The following NPSR1 variants were observed in gnomAD, a reference collection of about 807,000 sequenced individuals.
NPSR1 encodes neuropeptide S receptor.
NPSR1 carries 48 observed loss-of-function variants against 46.9 expected under a neutral mutation model. The observed-to-expected ratio is 1.02, with a 90% CI of 0.81 to 1.30. The LOEUF is 1.30. NPSR1 is among the 50% of genes most tolerant of loss of function. The probability of loss-of-function intolerance (pLI) is 0.00; values close to 1 mark genes in which losing one functional copy is unlikely to be tolerated. For missense variants in NPSR1, 450 were observed against 449.5 expected, an observed-to-expected ratio of 1.00 and a Z score of -0.01; for synonymous variants, 176 against 168.1, an observed-to-expected ratio of 1.05 and a Z score of -0.36.
intron 2 of NPSR1, 120 bp downstream of exon 2, chr7:34,684,804 T>A (rs1792846252): frequency 1.2e-6 from 1 of 818,586 alleles, no homozygotes; most frequent in South Asian, 2.2e-5. Flanking sequence ...TGGGAATAAT[T>A]TCTGAAAGAA....
chr7:34,815,580 T>C (rs1340778045), intron 4 of NPSR1, among the ~76,000 whole-genome samples: 1 of 152,060 alleles, frequency 6.6e-6, no homozygotes, highest in Non-Finnish European at 1.5e-5. Context: ...ACCACAAAGA[T>C]ACTCCTCGAG....
At chr7:34,792,637 A>ATG (rs1175922576) in intron 3 of NPSR1, among the ~76,000 whole-genome samples, 1,155 of 97,994 alleles carry the variant, frequency 0.012, 22 homozygotes, top group African/African-American at 0.031. Context: ...GTGTGTGTGT[A>ATG]TGTGTATATA....
At chr7:34,691,285 C>G (rs1339866050) in intron 2 of NPSR1, among the ~76,000 whole-genome samples, 1 of 152,162 alleles carries the variant, frequency 6.6e-6, no homozygotes, top group Admixed American at 6.5e-5. Flanking sequence ...CACACAGATA[C>G]AAAGCTCACA....
chr7:34,809,012 C>T (rs1284295353), intron 3 of NPSR1, among the ~76,000 whole-genome samples: 1 of 152,154 alleles, frequency 6.6e-6, no homozygotes, highest in Non-Finnish European at 1.5e-5. Flanking sequence ...CTTCCTCCTG[C>T]TCCAGATTCT....
At chr7:34,665,642 A>G (rs1238120943) in intron 1 of NPSR1, among the ~76,000 whole-genome samples, 1 of 152,096 alleles carries the variant, frequency 6.6e-6, no homozygotes, top group African/African-American at 2.4e-5. Flanking sequence ...TTTTCTTCTG[A>G]TATCACGCTA....
intron 3 of NPSR1, among the ~76,000 whole-genome samples, chr7:34,796,833 C>A (rs182248854): frequency 1.6e-4 from 24 of 152,262 alleles, no homozygotes; most frequent in African/African-American, 5.8e-4. Context: ...GGTATTTACC[C>A]AAATAAGTTG....
chr7:34,741,306 G>A (rs1162283572), intron 2 of NPSR1, among the ~76,000 whole-genome samples: 1 of 152,160 alleles, frequency 6.6e-6, no homozygotes, highest in Non-Finnish European at 1.5e-5. Context: ...ATACCCAGAG[G>A]TGAAAGCTCA....
chr7:34,818,821 C>T (rs565488808), intron 4 of NPSR1, among the ~76,000 whole-genome samples: 8 of 152,150 alleles, frequency 5.3e-5, no homozygotes, highest in South Asian at 2.1e-4. Flanking sequence ...AATGGGGAAA[C>T]GATTCCCTAT....
Position 34,689,941 on chromosome 7 carries a change from T to C in NPSR1, c.280+5257T>C, listed in dbSNP as rs111918569. On this transcript the variant is annotated intron_variant, in intron 2 of 8. Transcript: ENST00000360581. ...ATCTGGGTAACAAAGTGGGACCCTG[T>C]CTCTAAAAAAAATTAAAAAAAAAAA... Among the ~76,000 whole-genome samples the C allele has an allele frequency of 1.9e-3, 272 of 146,744 alleles. 1 individual carries two copies. The highest frequency in any genetic ancestry group is 6.5e-3 in the African/African-American group (255 of 39,480).
At chr7:34,676,159 T>C (rs1187313899) in intron 1 of NPSR1, among the ~76,000 whole-genome samples, 2 of 152,180 alleles carry the variant, frequency 1.3e-5, no homozygotes, top group East Asian at 3.9e-4. Context: ...CAAATGTACA[T>C]ATGTAGTCCA....
At chr7:34,871,166 G>A (rs1358832170) in intron 8 of NPSR1, among the ~76,000 whole-genome samples, 1 of 151,692 alleles carries the variant, frequency 6.6e-6, no homozygotes, top group East Asian at 1.9e-4. Context: ...CTTCTGCTGA[G>A]GGCCTCACTA....
intron 2 of NPSR1, among the ~76,000 whole-genome samples, chr7:34,775,172 T>C (rs772440040): frequency 2.0e-5 from 3 of 152,216 alleles, no homozygotes; most frequent in African/African-American, 4.8e-5. Context: ...AATGTGATAT[T>C]CTACAGAATG....
At chr7:34,704,289 A>G (rs1793993867) in intron 2 of NPSR1, 1 of 152,188 alleles carries the variant, frequency 6.6e-6, no homozygotes, top group Non-Finnish European at 1.5e-5. Context: ...AATTCATACA[A>G]TTTATATGAC....
intron 4 of NPSR1, among the ~76,000 whole-genome samples, chr7:34,818,248 A>G (rs1175892688): frequency 6.6e-6 from 1 of 152,206 alleles, no homozygotes; most frequent in East Asian, 1.9e-4. Flanking sequence ...ATGCGCAAAA[A>G]TCACAAGCAT....
intron 8 of NPSR1, among the ~76,000 whole-genome samples, chr7:34,859,645 C>G (rs900821839): frequency 6.6e-6 from 1 of 151,786 alleles, no homozygotes; most frequent in Non-Finnish European, 1.5e-5. Context: ...ATCATCATAA[C>G]TATCTGACAG....
At chr7:34,820,331 T>C (rs1036473991) in intron 4 of NPSR1, among the ~76,000 whole-genome samples, 1 of 152,198 alleles carries the variant, frequency 6.6e-6, no homozygotes, top group Admixed American at 6.5e-5. Flanking sequence ...ATAGAAAATA[T>C]ACTTGTTTCC....
intron 2 of NPSR1, chr7:34,704,061 T>C (rs1163260548): frequency 6.6e-6 from 1 of 152,194 alleles, no homozygotes; most frequent in Non-Finnish European, 1.5e-5. Context: ...TCTGCCCTCA[T>C]AACCCTCCTA....
chr7:34,676,424 C>T (rs1792319241), intron 1 of NPSR1, among the ~76,000 whole-genome samples: 1 of 152,190 alleles, frequency 6.6e-6, no homozygotes, highest in African/African-American at 2.4e-5. Flanking sequence ...GTCCACGAGG[C>T]TCACCTAGTT....
intron 6 of NPSR1, among the ~76,000 whole-genome samples, chr7:34,837,041 G>A (rs1281448967): frequency 6.6e-6 from 1 of 152,176 alleles, no homozygotes; most frequent in African/African-American, 2.4e-5. Context: ...ATAGACAGAT[G>A]ATAGCTAGAG....
Sources: gnomAD v4.1 joint callset for allele counts (sites outside exome capture counted in the v4.1 genomes callset) on GRCh38, gnomAD v4.1.1 for gene constraint, MANE v1.5 for transcripts, NCBI Gene and HGNC (gene_info 2026-07-23, HGNC 2026-07-21) for gene names.